The following MICAL3 variants were observed in gnomAD, a reference collection of about 807,000 sequenced individuals.
The protein encoded by MICAL3 is [F-actin]-monooxygenase MICAL3.
A neutral mutation model predicts 207.4 loss-of-function variants in MICAL3; 62 were observed. That is an observed-to-expected ratio of 0.30 (90% CI 0.24 to 0.37). The LOEUF is 0.37. Among genes scored for constraint, MICAL3 ranks in the 10% least tolerant of loss-of-function variants. The pLI, the probability that MICAL3 is intolerant of heterozygous loss-of-function variation, is 1.00. For synonymous variants in MICAL3, 1,077 were observed against 1,069.3 expected (o/e 1.01, Z -0.14); for missense variants, 2,368 against 2,635.6 (o/e 0.90, Z 2.22).
chr22:17,834,535 G>T, intron 20 of MICAL3: 1 of 1,188,508 alleles, frequency 8.4e-7, no homozygotes, highest in Non-Finnish European at 1.1e-6. Flanking sequence ...GGGCAACCAT[G>T]GGGAGACCCA....
At chr22:17,998,614 G>A (rs1159499152) in intron 1 of MICAL3, among the ~76,000 whole-genome samples, 1 of 150,108 alleles carries the variant, frequency 6.7e-6, no homozygotes, top group Non-Finnish European at 1.5e-5. Flanking sequence ...GGAGAGCAGT[G>A]GCGTGATCTT....
At chr22:17,827,580 G>A in intron 22 of MICAL3, 64 bp downstream of exon 22, 2 of 1,484,828 alleles carry the variant, frequency 1.3e-6, no homozygotes, top group Admixed American at 2.1e-5. Flanking sequence ...GCCCCCTGTG[G>A]CGACAGAGGC....
At chr22:17,885,741 G>C in intron 16 of MICAL3, 137 bp downstream of exon 16, 1 of 865,632 alleles carries the variant, frequency 1.2e-6, no homozygotes, top group Non-Finnish European at 1.9e-6. Flanking sequence ...CTTTGCTGCA[G>C]TCAGGCGAGG....
Position 17,866,886 on chromosome 22 carries a change from C to T in MICAL3, c.2429-874G>A, listed in dbSNP as rs555914691. Reference sequence around the variant, plus strand: ...CATTTTTTTCTGACTCTTTTTTACTCTCACTTAAAGAGCGACTGACGACTT... The same window carrying T: ...CATTTTTTTCTGACTCTTTTTTACTTTCACTTAAAGAGCGACTGACGACTT... On this transcript the variant is annotated intron_variant, in intron 17 of 31. Coordinates refer to ENST00000441493, the MANE Select transcript of MICAL3 (RefSeq NM_015241.3). 3.3e-5 allele frequency among the ~76,000 whole-genome samples: 5 copies of T among 152,304 alleles called. No homozygotes were observed. In the South Asian group the frequency reaches 8.3e-4, roughly 25 times the overall value.
In MICAL3 at chr22:17,902,886, C is replaced by A; in HGVS notation, c.473-139G>T. 1.7e-6 allele frequency: 1 copy of A among 597,014 alleles called. No homozygotes were observed. The highest frequency in any genetic ancestry group is 2.8e-5 in the East Asian group (1 of 35,266). The allele number at this position is 597,014 out of a possible 1,614,324, so 37.0% of individuals were successfully genotyped here. A position where few individuals can be genotyped will look rare whatever the true frequency, so the allele number is the denominator to read the frequency against. ...AAGCCTGCTGTAGCAGGAGACCTTCCAAAGCCACGCTCTGTAACTTCTTCC... is the reference window on the plus strand; with the variant it reads ...AAGCCTGCTGTAGCAGGAGACCTTCAAAAGCCACGCTCTGTAACTTCTTCC... On this transcript the variant is annotated intron_variant, in intron 3 of 31. Transcript: ENST00000441493. This position sits in a 1 kb window ranked among gnomAD's most constrained non-coding sequence, Gnocchi z 4.5.
chr22:17,874,974 C>T (rs906588337), intron 16 of MICAL3, among the ~76,000 whole-genome samples: 3 of 152,258 alleles, frequency 2.0e-5, no homozygotes, highest in African/African-American at 7.2e-5. Flanking sequence ...CTCCCTACAA[C>T]TGGACCAGCG....
At chr22:17,988,568 C>T (rs1048512918) in intron 1 of MICAL3, among the ~76,000 whole-genome samples, 7 of 152,232 alleles carry the variant, frequency 4.6e-5, no homozygotes, top group Non-Finnish European at 8.8e-5. Flanking sequence ...GGTTCTCCTG[C>T]CTCAGCCTCC....
chr22:17,862,179 C>A (rs868479385), intron 19 of MICAL3: 1 of 985,132 alleles, frequency 1.0e-6, no homozygotes, highest in Non-Finnish European at 1.2e-6. Flanking sequence ...ACAGTAGAGG[C>A]GGTTACCATG....
chr22:17,870,802 A>G (rs1161345506), intron 17 of MICAL3, among the ~76,000 whole-genome samples: 2 of 152,134 alleles, frequency 1.3e-5, no homozygotes, highest in Non-Finnish European at 2.9e-5. Context: ...AGTGCTTTTT[A>G]CCAACATAGC....
chr22:18,004,602 GGCCACAGCAGCAGCA>G (rs1273573936), intron 1 of MICAL3: 2 of 152,324 alleles, frequency 1.3e-5, no homozygotes, highest in Non-Finnish European at 2.9e-5. Flanking sequence ...TCTCCCTGAT[GGCCACAGCAGCAGCA>G]GCCACAGCTT....
Position 17,900,960 on chromosome 22 carries a change from G to A in MICAL3, c.729C>T (p.Ile243=), listed in dbSNP as rs777233463. 4.0e-5 allele frequency: 64 copies of A among 1,613,880 alleles called. No homozygotes were observed. Among genetic ancestry groups the A allele is most frequent in the Non-Finnish European group, 4.9e-5 (58 of 1,179,854 alleles). Residue 243 remains isoleucine (I), a synonymous_variant, in exon 6 of 32, where the codon ATC becomes ATT. Transcript: ENST00000441493. The surrounding 1 kb of genome is among the most constrained non-coding windows in gnomAD (Gnocchi z 4.0). ...GGTTGATAAAATTTGCCGTGATGGC[G>A]ATGGCCAGTTTGCCACGGAATTCTT... The part of the protein sequence containing the change: ...RRKEFRGKLA[I]AITANFINRN...
Position 17,831,931 on chromosome 22 carries a change from T to C in MICAL3, c.2978A>G (p.Glu993Gly). The C allele has an allele frequency of 6.4e-7, 1 of 1,571,270 alleles. No homozygotes were observed. The highest frequency in any genetic ancestry group is 8.6e-7 in the Non-Finnish European group (1 of 1,158,044). ...ASKSFGPGNE[E>G]EEEEEEEYEE... is the part of the protein sequence containing the mutation. Reference sequence around the variant, plus strand: ...ATATTCTTCCTCCTCCTCCTCCTCCTCTTCATTCCCAGGCCCAAAGCTCTT... The same window carrying C: ...ATATTCTTCCTCCTCCTCCTCCTCCCCTTCATTCCCAGGCCCAAAGCTCTT... Residue 993 changes from glutamate (E) to glycine (G), a missense_variant, in exon 21 of 32, where the codon GAG becomes GGG. Glu to Gly is a moderately conservative substitution (Grantham distance 98, BLOSUM62 -2). Transcript: ENST00000441493.
At position 17,902,751 on chromosome 22, in the gene MICAL3, G is replaced by A. The variant is rs774859818; in HGVS notation, c.473-4C>T. The A allele has an allele frequency of 8.4e-6, 13 of 1,554,184 alleles. No homozygotes were observed. Among genetic ancestry groups the A allele is most frequent in the Non-Finnish European group, 1.1e-5 (13 of 1,135,864 alleles). On this transcript the variant is annotated splice_polypyrimidine_tract_variant and splice_region_variant and intron_variant, in intron 3 of 31. Coordinates refer to ENST00000441493, the MANE Select transcript of MICAL3 (RefSeq NM_015241.3). The surrounding 1 kb of genome is among the most constrained non-coding windows in gnomAD (Gnocchi z 4.5). ...ATTAGTTGGAGCTGACGGATACCTG[G>A]GAGAATACAGAGATGACGTTGATGG...
intron 1 of MICAL3, among the ~76,000 whole-genome samples, chr22:18,016,685 A>G (rs1373115122): frequency 6.6e-6 from 1 of 152,210 alleles, no homozygotes; most frequent in Non-Finnish European, 1.5e-5. Flanking sequence ...TCACGCCTGT[A>G]ATCCCAGCAC....
chr22:17,858,351 A>C (rs1926146434), intron 19 of MICAL3: 1 of 416,578 alleles, frequency 2.4e-6, no homozygotes, highest in East Asian at 1.6e-4. Flanking sequence ...CATTATGACT[A>C]ATCTACTTGC....
intron 16 of MICAL3, among the ~76,000 whole-genome samples, chr22:17,878,195 A>T (rs752027672): frequency 6.6e-6 from 1 of 152,210 alleles, no homozygotes; most frequent in Non-Finnish European, 1.5e-5. Context: ...ATTAAACATT[A>T]TCAGCATCTC....
intron 21 of MICAL3, 38 bp downstream of exon 21, chr22:17,831,816 G>C (rs1245484358): frequency 3.2e-6 from 5 of 1,539,510 alleles, no homozygotes; most frequent in Non-Finnish European, 4.4e-6. Flanking sequence ...TCACTTTGGG[G>C]GGCAGGGCAG....
At chr22:17,863,426 G>T (rs1926724724) in intron 19 of MICAL3, 1 of 985,366 alleles carries the variant, frequency 1.0e-6, no homozygotes. Flanking sequence ...GACCCCTTTG[G>T]TTATTTTTCT....
intron 19 of MICAL3, chr22:17,864,518 G>C: frequency 7.0e-7 from 1 of 1,433,582 alleles, no homozygotes; most frequent in Non-Finnish European, 9.1e-7. Context: ...CACCAGGGCG[G>C]GTGATGGGAG....
Sources: gnomAD v4.1 joint callset for allele counts (sites outside exome capture counted in the v4.1 genomes callset) on GRCh38, gnomAD v4.1.1 for gene constraint, Gnocchi (gnomAD v3.1) non-coding constraint, MANE v1.5 for transcripts, NCBI Gene and HGNC (gene_info 2026-07-23, HGNC 2026-07-21) for gene names.